Variants in TAFA2 observed in about 807,000 individuals in gnomAD.
The protein encoded by TAFA2 is TAFA chemokine like family member 2, also known as chemokine-like protein TAFA-2.
Under a neutral mutation model 18.8 loss-of-function variants are expected in TAFA2, and 7 were observed. That is an observed-to-expected ratio of 0.37 (90% CI 0.21 to 0.70). The LOEUF (loss-of-function observed/expected upper bound fraction) is 0.70, where lower values mean the gene tolerates loss of function less well. Among genes scored for constraint, TAFA2 ranks in the 30% least tolerant of loss-of-function variants. TAFA2 has a pLI of 0.53. For synonymous variants in TAFA2, 60 were observed against 54.2 expected (o/e 1.11, Z -0.47); for missense variants, 122 against 158.1 (o/e 0.77, Z 1.23).
chr12:61,843,430 T>C (rs1178988613), intron 2 of TAFA2, among the ~76,000 whole-genome samples: 1 of 152,056 alleles, frequency 6.6e-6, no homozygotes, highest in Non-Finnish European at 1.5e-5. Flanking sequence ...CGGAACACTA[T>C]TTACCATTTT....
In TAFA2 at chr12:62,254,135, TAAC is replaced by T. The variant is rs1229198369; in HGVS notation, c.-130+4625_-130+4627del. On this transcript the variant is annotated intron_variant, in intron 1 of 5. Coordinates refer to the TAFA2 transcript ENST00000551619. ...TAACACAGCTGTTTATGTTATTACA[TAAC>T]AACTTTGTGATCTTATTAATTTGTT... 3.3e-5 allele frequency among the ~76,000 whole-genome samples: 5 copies of T among 152,350 alleles called. No individual in the cohort carries two copies. The East Asian group carries it at 9.6e-4, about 29-fold the overall frequency.
At chr12:62,028,849 A>G (rs1315520628) in intron 1 of TAFA2, among the ~76,000 whole-genome samples, 1 of 152,174 alleles carries the variant, frequency 6.6e-6, no homozygotes, top group Non-Finnish European at 1.5e-5. Flanking sequence ...AGGACAAACT[A>G]TAGTCCAAAC....
chr12:61,844,037 A>G (rs920661107), intron 2 of TAFA2, among the ~76,000 whole-genome samples: 1 of 152,128 alleles, frequency 6.6e-6, no homozygotes, highest in African/African-American at 2.4e-5. Flanking sequence ...AATGTTTAAT[A>G]ATTTATGTAC....
intron 2 of TAFA2, among the ~76,000 whole-genome samples, chr12:61,758,987 C>T (rs1869405283): frequency 6.6e-6 from 1 of 152,010 alleles, no homozygotes; most frequent in Non-Finnish European, 1.5e-5. Flanking sequence ...GCTCTGTTCT[C>T]TTTCATGGTC....
chr12:62,196,066 C>G (rs2062647912), upstream of TAFA2, among the ~76,000 whole-genome samples: 1 of 152,200 alleles, frequency 6.6e-6, no homozygotes, highest in South Asian at 2.1e-4. Context: ...ACTGCCTCAC[C>G]TTTTACTCAT....
chr12:62,234,886 C>T (rs1040960196), intron 1 of TAFA2: 9 of 997,972 alleles, frequency 9.0e-6, no homozygotes, highest in Middle Eastern at 2.1e-4. Context: ...GGGCATCCCA[C>T]GATCATGGGC....
At chr12:61,762,146 C>T (rs989262015) in intron 2 of TAFA2, among the ~76,000 whole-genome samples, 1 of 152,048 alleles carries the variant, frequency 6.6e-6, no homozygotes, top group African/African-American at 2.4e-5. Context: ...AATTAAACCT[C>T]TTTTCTTTAT....
At chr12:61,937,439 A>G (rs533459036) in intron 1 of TAFA2, among the ~76,000 whole-genome samples, 1 of 152,324 alleles carries the variant, frequency 6.6e-6, no homozygotes, top group Non-Finnish European at 1.5e-5. Context: ...ACAGTATAAC[A>G]CTGGTATAAA....
At chr12:61,882,882 T>A (rs1261521061) in intron 1 of TAFA2, among the ~76,000 whole-genome samples, 1 of 152,138 alleles carries the variant, frequency 6.6e-6, no homozygotes, top group Non-Finnish European at 1.5e-5. Context: ...TTTTGTACAA[T>A]AAAGGTAATA....
At chr12:62,144,068 A>G (rs1223419722) in intron 1 of TAFA2, among the ~76,000 whole-genome samples, 6 of 151,164 alleles carry the variant, frequency 4.0e-5, no homozygotes, top group Non-Finnish European at 7.4e-5. Flanking sequence ...AAAAAAAAAA[A>G]AAAGTCCTAA....
At chr12:61,934,795 T>C (rs1279364602) in intron 1 of TAFA2, among the ~76,000 whole-genome samples, 1 of 152,192 alleles carries the variant, frequency 6.6e-6, no homozygotes, top group Admixed American at 6.5e-5. Context: ...GTGAATCCAA[T>C]GGCTAACTCA....
intron 1 of TAFA2, among the ~76,000 whole-genome samples, chr12:61,884,264 C>T (rs1875272528): frequency 6.6e-6 from 1 of 152,162 alleles, no homozygotes; most frequent in Non-Finnish European, 1.5e-5. Flanking sequence ...AGTGTTTTCC[C>T]TTAATGTAGT....
At chr12:61,907,353 C>G (rs2121333662) in intron 1 of TAFA2, among the ~76,000 whole-genome samples, 1 of 152,252 alleles carries the variant, frequency 6.6e-6, no homozygotes, top group Non-Finnish European at 1.5e-5. Flanking sequence ...TCAGCCATGG[C>G]TAAAAGGGGT....
At chr12:61,771,917 A>G (rs918337376) in intron 2 of TAFA2, among the ~76,000 whole-genome samples, 11 of 151,874 alleles carry the variant, frequency 7.2e-5, no homozygotes, top group African/African-American at 2.6e-4. Flanking sequence ...AACAAAAAAA[A>G]AAACAGATAA....
intron 1 of TAFA2, among the ~76,000 whole-genome samples, chr12:62,157,570 T>G (rs1395819559): frequency 6.6e-6 from 1 of 152,030 alleles, no homozygotes; most frequent in African/African-American, 2.4e-5. Context: ...TGGCTCCACC[T>G]CTATCTACCT....
intron 1 of TAFA2, among the ~76,000 whole-genome samples, chr12:62,170,647 T>G (rs1231136981): frequency 6.6e-6 from 1 of 151,746 alleles, no homozygotes; most frequent in Non-Finnish European, 1.5e-5. Context: ...ATTTAAGGGG[T>G]ACACATGCAG....
chr12:61,714,527 CT>C (rs1869559307), intron 4 of TAFA2, among the ~76,000 whole-genome samples: 1 of 152,116 alleles, frequency 6.6e-6, no homozygotes, highest in Admixed American at 6.5e-5. Flanking sequence ...TTATAGGGCC[CT>C]GATTAGATTT....
intron 1 of TAFA2, among the ~76,000 whole-genome samples, chr12:62,142,963 C>T (rs1236645544): frequency 1.3e-5 from 2 of 152,120 alleles, no homozygotes; most frequent in Non-Finnish European, 2.9e-5. Context: ...AAGTGAAGCA[C>T]AGAGAGGTCA....
At chr12:61,987,161 A>C (rs10877778) in intron 1 of TAFA2, among the ~76,000 whole-genome samples, 62,262 of 152,118 alleles carry the variant, frequency 0.41, 15,006 homozygotes, top group Non-Finnish European at 0.53. Flanking sequence ...AATTTAAAGA[A>C]AACAAGCTTG....
Sources: gnomAD v4.1 joint callset for allele counts (sites outside exome capture counted in the v4.1 genomes callset) on GRCh38, gnomAD v4.1.1 for gene constraint, MANE v1.5 for transcripts, NCBI Gene and HGNC (gene_info 2026-07-23, HGNC 2026-07-21) for gene names.